The following ELMOD1 variants were observed in gnomAD, a reference collection of about 807,000 sequenced individuals.
ELMOD1 encodes ELMO domain containing 1, also known as ELMO domain-containing protein 1.
Under a neutral mutation model 46.7 loss-of-function variants are expected in ELMOD1, and 21 were observed. That is an observed-to-expected ratio of 0.45 (90% CI 0.32 to 0.65). The LOEUF (loss-of-function observed/expected upper bound fraction) is 0.65. Among genes scored for constraint, ELMOD1 ranks in the 30% least tolerant of loss-of-function variants. The pLI, the probability that ELMOD1 is intolerant of heterozygous loss-of-function variation, is 0.04. For missense variants in ELMOD1, 348 were observed against 407.8 expected, an observed-to-expected ratio of 0.85 and a Z score of 1.26; for synonymous variants, 122 against 138.2, an observed-to-expected ratio of 0.88 and a Z score of 0.82.
chr11:107,607,012 T>C (rs1865696331), intron 1 of ELMOD1, among the ~76,000 whole-genome samples: 1 of 152,238 alleles, frequency 6.6e-6, no homozygotes, highest in African/African-American at 2.4e-5. Context: ...CATAGTGTGA[T>C]ACAATTATGA....
At chr11:107,645,183 C>T (rs1361851408) in intron 6 of ELMOD1, among the ~76,000 whole-genome samples, 1 of 151,528 alleles carries the variant, frequency 6.6e-6, no homozygotes, top group Admixed American at 6.6e-5. Context: ...GTGATCCACC[C>T]GCCTCTACCT....
At position 107,626,637 on chromosome 11, in the gene ELMOD1, T is replaced by C. The variant is rs546449700; in HGVS notation, c.18-3780T>C. Among the ~76,000 whole-genome samples the C allele has an allele frequency of 1.1e-4, 16 of 146,900 alleles. No individual in the cohort carries two copies. In the South Asian group the frequency reaches 3.4e-3, roughly 31 times the overall value. On this transcript the variant is annotated intron_variant, in intron 2 of 11. Coordinates refer to ENST00000265840, the MANE Select transcript of ELMOD1 (RefSeq NM_018712.4). ...TCTTTCTTTCTTTCCTTCTTTTCTT[T>C]CCCTCTCTCTTTCTTTCTTTTTCTT...
rs532321779 is a variant in ELMOD1, at chr11:107,652,194, A to G, written c.647+1286A>G. Among the ~76,000 whole-genome samples, 3 of 152,222 alleles carry G rather than the reference A, an allele frequency of 2.0e-5. No individual in the cohort carries two copies. The South Asian group carries it at 6.2e-4, about 31-fold the overall frequency. On this transcript the variant is annotated intron_variant, in intron 9 of 11. Coordinates refer to ENST00000265840, the MANE Select transcript of ELMOD1 (RefSeq NM_018712.4). ...GTCTGATAAAAGTATATATGGATTGATTATGATATCAACGTAGGTTCTGTC... is the reference window on the plus strand; with the variant it reads ...GTCTGATAAAAGTATATATGGATTGGTTATGATATCAACGTAGGTTCTGTC...
At position 107,591,239 on chromosome 11, in the gene ELMOD1, G is replaced by GC. The variant is rs1004272979; in HGVS notation, c.-253dup. On this transcript the variant is annotated 5_prime_UTR_variant, in exon 1 of 12. Coordinates refer to ENST00000265840, the MANE Select transcript of ELMOD1 (RefSeq NM_018712.4). ...CCTGCCCCGCCCCCGCCCCTTCCGC[G>GC]CCCGCAGCCAGTGCGGCAGCCGCGG... The GC allele has an allele frequency of 6.6e-6, 1 of 151,978 alleles. No homozygotes were observed. The highest frequency in any genetic ancestry group is 1.5e-5 in the Non-Finnish European group (1 of 68,020). 9.4% of individuals were successfully genotyped at this position (151,978 alleles called of 1,614,324 possible).
intron 1 of ELMOD1, 93 bp from the exon 2 acceptor site, chr11:107,618,012 A>C: frequency 1.5e-6 from 1 of 652,204 alleles, no homozygotes; most frequent in East Asian, 2.7e-5. Context: ...GGTGGCTGGC[A>C]TGTTAACTGC....
At chr11:107,648,421 T>C (rs562990804) in intron 7 of ELMOD1, among the ~76,000 whole-genome samples, 86 of 152,334 alleles carry the variant, frequency 5.6e-4, no homozygotes, top group African/African-American at 2.0e-3. Flanking sequence ...GAGATTCAGA[T>C]TGACATCACA....
chr11:107,635,765 G>A lies in ELMOD1; in HGVS notation c.420G>A (p.Lys140=), dbSNP rs776681372. 1.2e-6 allele frequency: 2 copies of A among 1,612,714 alleles called. No individual in the cohort carries two copies. Among genetic ancestry groups the A allele is most frequent in the Non-Finnish European group, 1.7e-6 (2 of 1,179,212 alleles). Residue 140 remains lysine (K), a splice_region_variant and synonymous_variant, in exon 6 of 12, where the codon AAG becomes AAA. Transcript: ENST00000265840. ...DNPQHEEMLL[K]LWKFLKPNTP... is the part of the protein sequence containing the mutation. ...CCCAACATGAAGAAATGCTTTTGAA[G>A]GTTAGTGCTTGAACACATTTCGGTT... is the stretch of plus-strand genomic sequence containing the variant.
chr11:107,591,802 TCTGGGTCCCTGGGAACCC>T (rs1208984615), intron 1 of ELMOD1: 2 of 468,858 alleles, frequency 4.3e-6, no homozygotes, highest in East Asian at 1.4e-4. Context: ...GAGGGGCTGG[TCTGGGTCCCTGGGAACCC>T]CTTGCCTTGT....
At chr11:107,597,055 G>A (rs932392699) in intron 1 of ELMOD1, among the ~76,000 whole-genome samples, 6 of 152,148 alleles carry the variant, frequency 3.9e-5, no homozygotes, top group Admixed American at 2.6e-4. Context: ...ATGTTCATAG[G>A]TATGGAAGCC....
chr11:107,630,280 C>T (rs890484409), intron 2 of ELMOD1, 137 bp from the exon 3 acceptor site: 1 of 700,586 alleles, frequency 1.4e-6, no homozygotes, highest in South Asian at 2.2e-5. Context: ...TAGCATGGGA[C>T]TAGAAACATA....
At chr11:107,599,748 A>AAAAAAAG (rs1404236486) in intron 1 of ELMOD1, among the ~76,000 whole-genome samples, 1 of 144,344 alleles carries the variant, frequency 6.9e-6, no homozygotes, top group African/African-American at 2.7e-5. Context: ...CTCAAAAAAA[A>AAAAAAAG]AAAGAAAAAA....
chr11:107,653,495 G>C (rs190774757), intron 9 of ELMOD1: 1 of 152,034 alleles, frequency 6.6e-6, no homozygotes, highest in Admixed American at 6.5e-5. Flanking sequence ...AAATACCATA[G>C]CACTTATTGG....
intron 9 of ELMOD1, chr11:107,653,354 AG>A (rs1866559157): frequency 1.3e-5 from 2 of 151,622 alleles, no homozygotes; most frequent in Non-Finnish European, 1.5e-5. Flanking sequence ...AGAGAGAGAG[AG>A]AGAGAAAGCA....
At chr11:107,636,333 T>C (rs1866228984) in intron 6 of ELMOD1, among the ~76,000 whole-genome samples, 1 of 152,206 alleles carries the variant, frequency 6.6e-6, no homozygotes, top group Non-Finnish European at 1.5e-5. Flanking sequence ...ACCTTAAAAA[T>C]CTTACAGGAT....
chr11:107,628,966 C>CT (rs1237285361), intron 2 of ELMOD1, among the ~76,000 whole-genome samples: 1 of 151,856 alleles, frequency 6.6e-6, no homozygotes, highest in Non-Finnish European at 1.5e-5. Flanking sequence ...TTCTTTTTAA[C>CT]TTTTTTCTAC....
intron 11 of ELMOD1, among the ~76,000 whole-genome samples, chr11:107,664,648 G>C (rs1326939568): frequency 6.6e-6 from 1 of 152,138 alleles, no homozygotes; most frequent in African/African-American, 2.4e-5. Flanking sequence ...TCCGAGTGGA[G>C]TGATTTTGAA....
chr11:107,631,397 ACC>A (rs10539761), intron 4 of ELMOD1, among the ~76,000 whole-genome samples, 181 bp from the exon 5 acceptor site: 2,942 of 133,802 alleles, frequency 0.022, 85 homozygotes, highest in African/African-American at 0.051. Context: ...AAATTGCACT[ACC>A]CCCCCCCCCA....
chr11:107,645,789 G>T (rs1001695868), intron 6 of ELMOD1, among the ~76,000 whole-genome samples: 1 of 152,124 alleles, frequency 6.6e-6, no homozygotes, highest in Non-Finnish European at 1.5e-5. Context: ...AAATTTACCT[G>T]TTGTGGCACT....
At position 107,593,521 on chromosome 11, in the gene ELMOD1, C is replaced by G. The variant is rs141136846; in HGVS notation, c.-86+2112C>G. On this transcript the variant is annotated intron_variant, in intron 1 of 11. Transcript: ENST00000265840. The stretch of plus-strand genomic sequence containing the variant: ...TCAGAAAGAAACCTAGTTGCATTAA[C>G]AGACATGAAATCTGGATGATTGAGA... 3.0e-3 allele frequency among the ~76,000 whole-genome samples: 460 copies of G among 152,310 alleles called. 8 individuals carry two copies. Among genetic ancestry groups the G allele is most frequent in the African/African-American group, 0.011 (442 of 41,568 alleles).
Sources: allele counts gnomAD v4.1 joint callset (sites outside exome capture counted in the v4.1 genomes callset), GRCh38; gene constraint gnomAD v4.1.1; transcripts MANE v1.5; gene names NCBI Gene and HGNC (gene_info 2026-07-23, HGNC 2026-07-21).